The following PHC2 variants were observed in gnomAD, a reference collection of about 807,000 sequenced individuals.
PHC2 encodes the protein polyhomeotic-like protein 2.
PHC2 carries 29 observed loss-of-function variants against 87.4 expected under a neutral mutation model. That is an observed-to-expected ratio of 0.33 (90% CI 0.25 to 0.45). The LOEUF (loss-of-function observed/expected upper bound fraction) is 0.45. PHC2 is among the 20% of genes least tolerant of loss of function. PHC2 has a pLI of 1.00. For synonymous variants in PHC2, 438 were observed against 461.7 expected, an observed-to-expected ratio of 0.95 and a Z score of 0.66; for missense variants, 857 against 1,136.7, an observed-to-expected ratio of 0.75 and a Z score of 3.54.
chr1:33,332,398 G>A lies in PHC2; in HGVS notation c.1768C>T (p.Arg590Cys), dbSNP rs1382573217. ...QEGAEPFPVG[R>C]SSLLVGNLKK... ...AGATTCCCCACCAGCAGGGACGAGC[G>A]TCCCACCTAGAGGACAGGTAACACG... The change falls in exon 11 of 15, where the codon CGC (arginine) becomes TGC (cysteine). Residue 590 changes from arginine (R) to cysteine (C), a missense_variant. By Grantham distance (180) the Arg-to-Cys change is radical. This residue lies in a region of PHC2 where 832 missense variants were observed against 1,081.8 expected (regional missense o/e 0.77). Transcript: ENST00000683057. This position sits in a 1 kb window ranked among gnomAD's most constrained non-coding sequence, Gnocchi z 4.2. 11 of 1,613,984 alleles carry A rather than the reference G, an allele frequency of 6.8e-6. No individual in the cohort carries two copies. The highest frequency in any genetic ancestry group is 1.7e-5 in the Admixed American group (1 of 60,000).
rs1363166180 is a variant in PHC2 at position 33,332,481 on chromosome 1, C to G, written c.1762-77G>C. On this transcript the variant is annotated intron_variant, in intron 10 of 14. Transcript: ENST00000683057. The surrounding 1 kb of genome is among the most constrained non-coding windows in gnomAD (Gnocchi z 4.2). Reference sequence around the variant, plus strand: ...TTGCTATCCATCCTCATCACAATTACACGTATAAAGTATCCAGGCACAGAG... The same window carrying G: ...TTGCTATCCATCCTCATCACAATTAGACGTATAAAGTATCCAGGCACAGAG... 1 of 1,550,192 alleles carries G rather than the reference C, an allele frequency of 6.5e-7. No homozygotes were observed. Among genetic ancestry groups the G allele is most frequent in the South Asian group, 1.1e-5 (1 of 89,092 alleles).
intron 9 of PHC2, chr1:33,348,994 T>A (rs1309273126): frequency 1.1e-6 from 1 of 880,540 alleles, no homozygotes; most frequent in Non-Finnish European, 1.4e-6. Context: ...GACTTCAGTT[T>A]AAATACAGAA....
intron 2 of PHC2, among the ~76,000 whole-genome samples, chr1:33,373,387 C>T (rs930963432): frequency 5.9e-5 from 9 of 152,300 alleles, no homozygotes; most frequent in Admixed American, 3.3e-4. Flanking sequence ...TCCCAAAGTG[C>T]TGGGATTACA....
intron 1 of PHC2, among the ~76,000 whole-genome samples, chr1:33,385,289 T>C (rs12127097): frequency 0.22 from 33,900 of 151,834 alleles, 3,843 homozygotes; most frequent in African/African-American, 0.26. Context: ...TTCCGGAAAA[T>C]GAAACAACAT....
At chr1:33,387,596 A>G (rs1347307075) in intron 1 of PHC2, among the ~76,000 whole-genome samples, 2 of 152,152 alleles carry the variant, frequency 1.3e-5, no homozygotes, top group Non-Finnish European at 2.9e-5. Flanking sequence ...CTTCACAACC[A>G]CCCTCTGGTA....
chr1:33,325,931 T>C (rs1182129714), intron 14 of PHC2: 1 of 456,436 alleles, frequency 2.2e-6, no homozygotes, highest in Admixed American at 2.3e-5. Context: ...TATAGAAGTC[T>C]CATGGCCTTT....
In PHC2 at chr1:33,369,421, T is replaced by G. The variant is rs917482749; in HGVS notation, c.577-799A>C. Among the ~76,000 whole-genome samples, 21 of 152,060 alleles carry G rather than the reference T, an allele frequency of 1.4e-4. No individual in the cohort carries two copies. Among genetic ancestry groups the G allele is most frequent in the Non-Finnish European group, 2.5e-4 (17 of 68,006 alleles). On this transcript the variant is annotated intron_variant, in intron 5 of 14. Coordinates refer to ENST00000683057, the MANE Select transcript of PHC2 (RefSeq NM_001385109.1). This position sits in a 1 kb window ranked among gnomAD's most constrained non-coding sequence, Gnocchi z 4.7. ...AGACAGGCAGGCATCACGACCCCAG[T>G]GGAGTAGGACATAGGGACAAGCAAC... is the stretch of plus-strand genomic sequence containing the variant.
chr1:33,375,477 G>A lies in PHC2; in HGVS notation c.63C>T (p.Ser21=), dbSNP rs779187053. The A allele has an allele frequency of 1.1e-5, 18 of 1,611,548 alleles. No individual in the cohort carries two copies. The highest frequency in any genetic ancestry group is 8.8e-5 in the South Asian group (8 of 90,706). Residue 21 remains serine, a synonymous_variant, in exon 2 of 15, where the codon AGC becomes AGT. Transcript: ENST00000683057. ...TGCAGCCACTGCTGCTACTGGCCCC[G>A]CTGGTACTGCTGGTGGCACAGGCAC... The part of the protein sequence containing the change: ...SSSACATSST[S]GASSSSGCNN...
chr1:33,384,213 A>C (rs943077956), intron 1 of PHC2, among the ~76,000 whole-genome samples: 1 of 152,166 alleles, frequency 6.6e-6, no homozygotes, highest in Admixed American at 6.5e-5. Context: ...TTCAGGCACC[A>C]CTTCAGACCT....
chr1:33,361,548 C>A (rs139000698), intron 7 of PHC2, among the ~76,000 whole-genome samples: 7 of 152,306 alleles, frequency 4.6e-5, no homozygotes, highest in Non-Finnish European at 8.8e-5. Flanking sequence ...ACCATGTTGG[C>A]CAGGCTGGTG....
chr1:33,369,972 G>T lies in PHC2; in HGVS notation c.576+449C>A, dbSNP rs1647721106. Among the ~76,000 whole-genome samples, 1 of 152,166 alleles carries T rather than the reference G, an allele frequency of 6.6e-6. No homozygotes were observed. The highest frequency in any genetic ancestry group is 2.4e-5 in the African/African-American group (1 of 41,420). On this transcript the variant is annotated intron_variant, in intron 5 of 14. Coordinates refer to ENST00000683057, the MANE Select transcript of PHC2 (RefSeq NM_001385109.1). This position sits in a 1 kb window ranked among gnomAD's most constrained non-coding sequence, Gnocchi z 4.7. ...GGGGGCCGCTGGGAGGGCAATGGAG[G>T]CACGCTGAAGCTGGAAAGCATCTTT...
At chr1:33,367,624 G>C (rs1175796271) in intron 6 of PHC2, among the ~76,000 whole-genome samples, 196 bp from the exon 7 acceptor site, 13 of 152,152 alleles carry the variant, frequency 8.5e-5, no homozygotes, top group Non-Finnish European at 2.9e-5. Context: ...CAGAGGGTTC[G>C]CTGTGACTGC....
chr1:33,413,885 T>C (rs1185163213), intron 1 of PHC2, among the ~76,000 whole-genome samples: 3 of 152,218 alleles, frequency 2.0e-5, no homozygotes, highest in African/African-American at 7.2e-5. Flanking sequence ...CCAGAGTACA[T>C]GACTGCAAGA....
Position 33,401,153 on chromosome 1 carries a change from C to T in PHC2, c.-54-25560G>A, listed in dbSNP as rs113314971. Reference sequence around the variant, plus strand: ...CATCCTGGCTAACATGGTGAAACCCCGTCTCCACTAAAAATACAAAAAATT... The same window carrying T: ...CATCCTGGCTAACATGGTGAAACCCTGTCTCCACTAAAAATACAAAAAATT... On this transcript the variant is annotated intron_variant, in intron 1 of 14. Coordinates refer to ENST00000683057, the MANE Select transcript of PHC2 (RefSeq NM_001385109.1). Among the ~76,000 whole-genome samples, 260 of 152,150 alleles carry T rather than the reference C, an allele frequency of 1.7e-3. 4 individuals carry two copies. The highest frequency in any genetic ancestry group is 5.1e-3 in the African/African-American group (211 of 41,478).
chr1:33,366,784 GAATTTCAAA>G (rs1647476176), intron 7 of PHC2, among the ~76,000 whole-genome samples: 1 of 152,206 alleles, frequency 6.6e-6, no homozygotes, highest in African/African-American at 2.4e-5. Flanking sequence ...GAGTCTTGGA[GAATTTCAAA>G]ATAGTTCAAC....
At position 33,331,754 on chromosome 1, in the gene PHC2, C is replaced by T; in HGVS notation, c.1892-292G>A. ...AGCATCAAATGACTGTGGAAGAAAG[C>T]AGGAGCCCCCAGGAAATACTCTGGA... On this transcript the variant is annotated intron_variant, in intron 11 of 14. Coordinates refer to ENST00000683057, the MANE Select transcript of PHC2 (RefSeq NM_001385109.1). This position sits in a 1 kb window ranked among gnomAD's most constrained non-coding sequence, Gnocchi z 5.2. The T allele has an allele frequency of 2.9e-6, 1 of 342,180 alleles. No individual in the cohort carries two copies. Among genetic ancestry groups the T allele is most frequent in the East Asian group, 5.5e-5 (1 of 18,292 alleles). The allele number at this position is 342,180 out of a possible 1,614,324, so 21.2% of individuals were successfully genotyped here. A position where few individuals can be genotyped will look rare whatever the true frequency, so the allele number is the denominator to read the frequency against.
chr1:33,334,213 G>A lies in PHC2; in HGVS notation c.1638C>T (p.Ser546=). The A allele has an allele frequency of 6.2e-7, 1 of 1,612,974 alleles. No homozygotes were observed. The highest frequency in any genetic ancestry group is 8.5e-7 in the Non-Finnish European group (1 of 1,179,682). The change falls in exon 10 of 15, where the codon TCC becomes TCT. Residue 546 remains serine, a synonymous_variant. Transcript: ENST00000683057. This position sits in a 1 kb window ranked among gnomAD's most constrained non-coding sequence, Gnocchi z 5.5. ...GMTSGNGNSA[S]SIAGTAPQNG... The stretch of plus-strand genomic sequence containing the variant: ...TCTGGGGGGCAGTGCCGGCGATGCT[G>A]GAGGCAGAGTTTCCGTTCCCTGAGG...
intron 1 of PHC2, among the ~76,000 whole-genome samples, chr1:33,378,275 A>G (rs1648286482): frequency 6.6e-6 from 1 of 152,248 alleles, no homozygotes; most frequent in African/African-American, 2.4e-5. Context: ...GGTAGGAGGT[A>G]TAATTCCTGA....
intron 14 of PHC2, 160 bp from the exon 15 acceptor site, chr1:33,325,179 G>C: frequency 1.4e-6 from 1 of 708,214 alleles, no homozygotes; most frequent in Non-Finnish European, 2.2e-6. Context: ...TTATTTTGCA[G>C]CTTGAGAGAG....
Sources: allele counts gnomAD v4.1 joint callset (sites outside exome capture counted in the v4.1 genomes callset), GRCh38; gene constraint gnomAD v4.1.1; regional missense constraint gnomAD v4.1.1; non-coding constraint Gnocchi (gnomAD v3.1); transcripts MANE v1.5; gene names NCBI Gene and HGNC (gene_info 2026-07-23, HGNC 2026-07-21).